PLEKHG1: variants seen among roughly 807,000 people sequenced by gnomAD.
PLEKHG1 encodes the protein pleckstrin homology domain-containing family G member 1.
PLEKHG1 carries 44 observed loss-of-function variants against 100.8 expected under a neutral mutation model. The ratio of observed to expected loss-of-function variants is 0.44; its 90% confidence interval spans 0.34 to 0.56. PLEKHG1 has a LOEUF of 0.56. PLEKHG1 is among the 20% of genes least tolerant of loss of function. PLEKHG1 has a pLI of 0.01. For missense variants in PLEKHG1, 1,545 were observed against 1,720.9 expected, an observed-to-expected ratio of 0.90 and a Z score of 1.81; for synonymous variants, 640 against 662.5, an observed-to-expected ratio of 0.97 and a Z score of 0.52.
In PLEKHG1 at chr6:150,627,692, T is replaced by A. The variant is rs138247959; in HGVS notation, c.-203-10388T>A. Among the ~76,000 whole-genome samples, 552 of 152,300 alleles carry A rather than the reference T, an allele frequency of 3.6e-3. 4 individuals are homozygous for A. The highest frequency in any genetic ancestry group is 0.012 in the African/African-American group (519 of 41,556). On this transcript the variant is annotated intron_variant, in intron 1 of 3. Coordinates refer to the PLEKHG1 transcript ENST00000367326. ...ATCCAACGTTGACACATAGATTTTG[T>A]TTTTTAGGATCACAAGTATAATAAA...
chr6:150,831,425 G>C lies in PLEKHG1; in HGVS notation c.2314G>C (p.Glu772Gln), dbSNP rs759847501. 1.9e-6 allele frequency: 3 copies of C among 1,614,108 alleles called. No homozygotes were observed. In the South Asian group the frequency reaches 3.3e-5, roughly 18 times the overall value. ...AAAGCGGAGCACCTTTTTGGGTCTGGAGGCCGACTTCGTGTGCTGTGACAG... is the reference window on the plus strand; with the variant it reads ...AAAGCGGAGCACCTTTTTGGGTCTGCAGGCCGACTTCGTGTGCTGTGACAG... Residue 772 changes from glutamate to glutamine, a missense_variant, in exon 15 of 16, where the codon GAG becomes CAG. Coordinates refer to ENST00000358517, the Ensembl canonical transcript of PLEKHG1. This position sits in a 1 kb window ranked among gnomAD's most constrained non-coding sequence, Gnocchi z 4.1.
At chr6:150,822,177 AAGAAT>A (rs1328794829) in intron 13 of PLEKHG1, among the ~76,000 whole-genome samples, 3 of 124,320 alleles carry the variant, frequency 2.4e-5, no homozygotes, top group African/African-American at 5.6e-5. Context: ...AAAAAAAAAA[AAGAAT>A]AGGGCAGTTT....
At chr6:150,677,203 A>G (rs1273943513) in intron 3 of PLEKHG1, among the ~76,000 whole-genome samples, 1 of 152,168 alleles carries the variant, frequency 6.6e-6, no homozygotes, top group Non-Finnish European at 1.5e-5. Context: ...CATTCAGTCC[A>G]AAGTCTTTAC....
At chr6:150,614,319 C>T (rs1438420355) in intron 1 of PLEKHG1, among the ~76,000 whole-genome samples, 1 of 152,154 alleles carries the variant, frequency 6.6e-6, no homozygotes, top group Non-Finnish European at 1.5e-5. Context: ...ATGAAGGTCA[C>T]GTAGTTCACA....
intron 2 of PLEKHG1, among the ~76,000 whole-genome samples, chr6:150,749,580 C>T (rs1363053202): frequency 3.3e-5 from 5 of 152,116 alleles, no homozygotes; most frequent in Non-Finnish European, 5.9e-5. Flanking sequence ...TTTCTAGGCT[C>T]ATCTGTATGT....
At chr6:150,773,773 A>G (rs1173858480) in intron 3 of PLEKHG1, among the ~76,000 whole-genome samples, 2 of 152,176 alleles carry the variant, frequency 1.3e-5, no homozygotes, top group East Asian at 3.9e-4. Flanking sequence ...ATTAAATTTT[A>G]TAGATTAATT....
intron 2 of PLEKHG1, among the ~76,000 whole-genome samples, chr6:150,647,561 C>T (rs1301564349): frequency 6.6e-6 from 1 of 152,096 alleles, no homozygotes; most frequent in Non-Finnish European, 1.5e-5. Context: ...ATAAGTTTAG[C>T]ATTGTTCTTT....
chr6:150,615,595 A>C (rs138445682), intron 1 of PLEKHG1, among the ~76,000 whole-genome samples: 2 of 152,360 alleles, frequency 1.3e-5, no homozygotes, highest in African/African-American at 2.4e-5. Context: ...AGAAAATACT[A>C]TACAGATATA....
chr6:150,784,470 C>G (rs1785491670), intron 3 of PLEKHG1, among the ~76,000 whole-genome samples: 1 of 152,148 alleles, frequency 6.6e-6, no homozygotes. Context: ...CAGGAAGAGT[C>G]TCAGAAAGCA....
chr6:150,648,451 C>G (rs372689648), intron 2 of PLEKHG1, among the ~76,000 whole-genome samples: 2 of 152,004 alleles, frequency 1.3e-5, no homozygotes, highest in South Asian at 2.1e-4. Context: ...TTACCCCATG[C>G]CATTTTGTCA....
chr6:150,674,632 CCT>C (rs756355880), intron 3 of PLEKHG1, among the ~76,000 whole-genome samples: 3,229 of 66,052 alleles, frequency 0.049, 90 homozygotes, highest in Non-Finnish European at 0.055. Context: ...CTCTCTCCTC[CCT>C]CTCTCTCTCT....
At chr6:150,626,598 C>A (rs1170511886) in intron 1 of PLEKHG1, among the ~76,000 whole-genome samples, 1 of 152,154 alleles carries the variant, frequency 6.6e-6, no homozygotes, top group Non-Finnish European at 1.5e-5. Flanking sequence ...TTCAGATGTA[C>A]CCTGCTGGCA....
intron 1 of PLEKHG1, among the ~76,000 whole-genome samples, chr6:150,617,782 A>T (rs1777132824): frequency 6.6e-6 from 1 of 152,204 alleles, no homozygotes; most frequent in Non-Finnish European, 1.5e-5. Context: ...TTCTTTGAGG[A>T]CATTTGACAG....
At chr6:150,629,630 T>A (rs984531934) in intron 1 of PLEKHG1, among the ~76,000 whole-genome samples, 3 of 152,086 alleles carry the variant, frequency 2.0e-5, no homozygotes, top group Admixed American at 6.6e-5. Context: ...CCAGCTAATT[T>A]TTGTATTTTT....
At chr6:150,615,644 A>C (rs1777044152) in intron 1 of PLEKHG1, among the ~76,000 whole-genome samples, 1 of 152,242 alleles carries the variant, frequency 6.6e-6, no homozygotes, top group Non-Finnish European at 1.5e-5. Flanking sequence ...GAAGAATCAG[A>C]CTGAGGAGGG....
intron 3 of PLEKHG1, among the ~76,000 whole-genome samples, chr6:150,701,202 C>A (rs1240719055): frequency 1.3e-5 from 2 of 150,068 alleles, no homozygotes; most frequent in Non-Finnish European, 1.5e-5. Flanking sequence ...CGCCAATAAT[C>A]CCAGCAACTC....
chr6:150,612,048 C>CG (rs1554251556), intron 1 of PLEKHG1, among the ~76,000 whole-genome samples: 5 of 63,290 alleles, frequency 7.9e-5, no homozygotes, highest in East Asian at 9.8e-4. Flanking sequence ...GTGTTGTTCC[C>CG]CCCCCCCCCC....
intron 2 of PLEKHG1, among the ~76,000 whole-genome samples, chr6:150,639,324 T>A (rs1778150425): frequency 6.6e-6 from 1 of 152,212 alleles, no homozygotes; most frequent in African/African-American, 2.4e-5. Context: ...CTTTTTTAAT[T>A]TTTAAGAAAT....
chr6:150,800,503 G>A (rs1195116833), intron 5 of PLEKHG1, among the ~76,000 whole-genome samples: 1 of 152,162 alleles, frequency 6.6e-6, no homozygotes, highest in Non-Finnish European at 1.5e-5. Context: ...GAAGCCATGA[G>A]CCCAGGGTGC....
Sources: gnomAD v4.1 joint callset for allele counts (sites outside exome capture counted in the v4.1 genomes callset) on GRCh38, gnomAD v4.1.1 for gene constraint, Gnocchi (gnomAD v3.1) non-coding constraint, MANE v1.5 for transcripts, NCBI Gene and HGNC (gene_info 2026-07-23, HGNC 2026-07-21) for gene names.